The following CYP39A1 variants were observed in gnomAD, a reference collection of about 807,000 sequenced individuals.
The protein encoded by CYP39A1 is 24-hydroxycholesterol 7-alpha-hydroxylase.
Under a neutral mutation model 58.1 loss-of-function variants are expected in CYP39A1, and 49 were observed. The ratio of observed to expected loss-of-function variants is 0.84; its 90% CI spans 0.67 to 1.07. The LOEUF is 1.07. CYP39A1 is among the 50% of genes least tolerant of loss of function. CYP39A1 has a pLI of 0.00. For synonymous variants in CYP39A1, 209 were observed against 187.6 expected (o/e 1.11, Z -0.93); for missense variants, 531 against 539.4 (o/e 0.98, Z 0.16).
intron 7 of CYP39A1, among the ~76,000 whole-genome samples, chr6:46,600,331 G>A (rs1162603683): frequency 2.6e-5 from 4 of 151,990 alleles, no homozygotes; most frequent in Admixed American, 2.6e-4. Flanking sequence ...ATGTTGGCCA[G>A]GCTGGTCTTG....
At chr6:46,638,265 A>C (rs546107677) in intron 3 of CYP39A1, among the ~76,000 whole-genome samples, 1 of 152,350 alleles carries the variant, frequency 6.6e-6, no homozygotes, top group African/African-American at 2.4e-5. Flanking sequence ...AACTGATCTA[A>C]TACAATTCAA....
chr6:46,602,689 CAAAAAAAAAAAA>C (rs35833432), intron 7 of CYP39A1, among the ~76,000 whole-genome samples: 3 of 46,898 alleles, frequency 6.4e-5, no homozygotes, highest in African/African-American at 2.5e-4. Context: ...GTGCACGTCT[CAAAAAAAAAAAA>C]AAAAAAAAAA....
At chr6:46,630,162 C>A (rs182113402) in intron 6 of CYP39A1, among the ~76,000 whole-genome samples, 85 of 152,100 alleles carry the variant, frequency 5.6e-4, no homozygotes, top group African/African-American at 1.9e-3. Context: ...TTTTTTAAGT[C>A]TTGCCTCTCT....
At chr6:46,622,749 G>A (rs1009539540) in intron 7 of CYP39A1, among the ~76,000 whole-genome samples, 29 of 152,182 alleles carry the variant, frequency 1.9e-4, no homozygotes, top group Non-Finnish European at 4.0e-4. Flanking sequence ...TACAGGATTA[G>A]TTAGAGGAAG....
intron 10 of CYP39A1, among the ~76,000 whole-genome samples, chr6:46,574,634 T>C (rs928456401): frequency 2.0e-5 from 3 of 152,098 alleles, no homozygotes; most frequent in Admixed American, 6.5e-5. Flanking sequence ...AGAAAGTCCA[T>C]GGGAGAAAAA....
chr6:46,572,761 T>C (rs1018763490), intron 10 of CYP39A1, among the ~76,000 whole-genome samples: 6 of 152,138 alleles, frequency 3.9e-5, no homozygotes, highest in African/African-American at 1.4e-4. Context: ...TTTCTTCCCC[T>C]TTCTCAATCC....
intron 7 of CYP39A1, among the ~76,000 whole-genome samples, chr6:46,607,458 T>C (rs1773915768): frequency 7.0e-6 from 1 of 142,810 alleles, no homozygotes; most frequent in African/African-American, 2.8e-5. Flanking sequence ...TCAAGCCCCT[T>C]CCCCCTACAC....
intron 7 of CYP39A1, among the ~76,000 whole-genome samples, chr6:46,610,902 A>G (rs1457019064): frequency 6.6e-6 from 1 of 152,194 alleles, no homozygotes. Flanking sequence ...TTCTTTATGC[A>G]AGAGAAATAC....
chr6:46,600,750 C>T (rs1773442933), intron 7 of CYP39A1, among the ~76,000 whole-genome samples: 1 of 152,190 alleles, frequency 6.6e-6, no homozygotes, highest in South Asian at 2.1e-4. Context: ...TCTTCCAAAC[C>T]TTGCCCTATG....
chr6:46,568,733 A>T (rs915227085), intron 10 of CYP39A1, among the ~76,000 whole-genome samples: 1 of 151,914 alleles, frequency 6.6e-6, no homozygotes, highest in Non-Finnish European at 1.5e-5. Context: ...TCTCTATTCT[A>T]TTGTATTGGT....
Position 46,642,144 on chromosome 6 carries a change from AT to A in CYP39A1, c.313+18del, listed in dbSNP as rs1776376832. The A allele has an allele frequency of 1.2e-6, 2 of 1,611,852 alleles. No homozygotes were observed. The highest frequency in any genetic ancestry group is 3.3e-5 in the Admixed American group (2 of 59,922). On this transcript the variant is annotated intron_variant, in intron 2 of 11. Transcript: ENST00000275016. ...TCCAATGTTGGATTTCGAATGGACTATCTGAAAATATTCTTTACCTGTACGA... is the reference window on the plus strand; with the variant it reads ...TCCAATGTTGGATTTCGAATGGACTACTGAAAATATTCTTTACCTGTACGA...
At chr6:46,618,573 G>C (rs1338785011) in intron 7 of CYP39A1, among the ~76,000 whole-genome samples, 2 of 151,926 alleles carry the variant, frequency 1.3e-5, no homozygotes, top group Admixed American at 6.6e-5. Flanking sequence ...GCTTTACAGA[G>C]ATCAAAAACC....
chr6:46,579,553 G>T (rs1311597311), intron 10 of CYP39A1, among the ~76,000 whole-genome samples: 3 of 152,188 alleles, frequency 2.0e-5, no homozygotes, highest in African/African-American at 7.2e-5. Flanking sequence ...CAAATAGGAA[G>T]AGAATAAATC....
chr6:46,638,395 C>T (rs1447300274), intron 3 of CYP39A1, among the ~76,000 whole-genome samples: 1 of 152,082 alleles, frequency 6.6e-6, no homozygotes, highest in Non-Finnish European at 1.5e-5. Context: ...CACCAAATTC[C>T]CTAATTTCTC....
intron 11 of CYP39A1, among the ~76,000 whole-genome samples, chr6:46,551,434 C>T (rs1311275091): frequency 1.3e-5 from 2 of 151,188 alleles, no homozygotes; most frequent in East Asian, 3.9e-4. Flanking sequence ...AATGTGCTTG[C>T]TTTTGCAAGA....
At chr6:46,597,573 C>CT (rs982104234) in intron 7 of CYP39A1, among the ~76,000 whole-genome samples, 4 of 152,014 alleles carry the variant, frequency 2.6e-5, no homozygotes, top group African/African-American at 9.7e-5. Context: ...AATGGTCCAA[C>CT]TTCAACATAG....
chr6:46,570,709 C>T (rs1045801284), intron 10 of CYP39A1, among the ~76,000 whole-genome samples: 4 of 152,126 alleles, frequency 2.6e-5, no homozygotes, highest in Admixed American at 1.3e-4. Context: ...CAGCATGCAA[C>T]ACAGGGAGAG....
Position 46,652,432 on chromosome 6 carries a change from C to T in CYP39A1, c.151G>A (p.Glu51Lys), listed in dbSNP as rs1268052428. 6.2e-7 allele frequency: 1 copy of T among 1,613,438 alleles called. No individual in the cohort carries two copies. Among genetic ancestry groups the T allele is most frequent in the Non-Finnish European group, 8.5e-7 (1 of 1,179,724 alleles). ...VGFEFGKAPL[E>K]FIEKARIKYG... ...TTGATTCTTGCTTTCTCTATAAATT[C>T]TAGAGGGGCTTTCCCAAACTCAAAT... The change falls in exon 1 of 12, where the codon GAA becomes AAA. Residue 51 changes from glutamate to lysine, a missense_variant. By Grantham distance (56) the Glu-to-Lys change is moderately conservative (BLOSUM62 1). Transcript: ENST00000275016.
At chr6:46,567,768 G>A (rs1582305488) in intron 10 of CYP39A1, among the ~76,000 whole-genome samples, 1 of 152,124 alleles carries the variant, frequency 6.6e-6, no homozygotes, top group Non-Finnish European at 1.5e-5. Context: ...ACACAGACTA[G>A]GGTGGCCTCT....
Sources: allele counts gnomAD v4.1 joint callset (sites outside exome capture counted in the v4.1 genomes callset), GRCh38; gene constraint gnomAD v4.1.1; transcripts MANE v1.5; gene names NCBI Gene and HGNC (gene_info 2026-07-23, HGNC 2026-07-21).